Variants in ARFGAP3 observed in about 807,000 individuals in gnomAD.
ARFGAP3 encodes the protein ADP-ribosylation factor GTPase-activating protein 3.
A neutral mutation model predicts 75.0 loss-of-function variants in ARFGAP3; 72 were observed. That is an observed-to-expected ratio of 0.96 (90% CI 0.79 to 1.17). The LOEUF is 1.17. ARFGAP3 is among the 50% of genes most tolerant of loss of function. The probability of loss-of-function intolerance (pLI) is 0.00; values close to 1 mark genes in which losing one functional copy is unlikely to be tolerated. For synonymous variants in ARFGAP3, 221 were observed against 217.9 expected, an observed-to-expected ratio of 1.01 and a Z score of -0.13; for missense variants, 620 against 626.6, an observed-to-expected ratio of 0.99 and a Z score of 0.11.
intron 7 of ARFGAP3, among the ~76,000 whole-genome samples, chr22:42,824,671 C>T (rs1167052549): frequency 6.6e-6 from 1 of 152,004 alleles, no homozygotes; most frequent in African/African-American, 2.4e-5. Flanking sequence ...AGCCCAAAAA[C>T]TTTAAAAATC....
intron 2 of ARFGAP3, among the ~76,000 whole-genome samples, chr22:42,842,245 T>C (rs188222133): frequency 3.8e-4 from 57 of 151,366 alleles, no homozygotes; most frequent in African/African-American, 1.3e-3. Flanking sequence ...CCTTAGGTGA[T>C]CCACCCACCT....
chr22:42,829,491 G>A (rs1343017472), intron 6 of ARFGAP3, among the ~76,000 whole-genome samples: 1 of 152,124 alleles, frequency 6.6e-6, no homozygotes, highest in East Asian at 1.9e-4. Flanking sequence ...CCAGTTAGAG[G>A]TGTATAAATG....
intron 14 of ARFGAP3, among the ~76,000 whole-genome samples, chr22:42,800,042 A>G (rs1481146290): frequency 6.6e-6 from 1 of 152,214 alleles, no homozygotes; most frequent in Non-Finnish European, 1.5e-5. Context: ...GGTGAAGTTC[A>G]TCAGGGTTAT....
Position 42,808,777 on chromosome 22 carries a change from G to T in ARFGAP3, c.1310C>A (p.Ser437Tyr). 1 of 1,611,536 alleles carries T rather than the reference G, an allele frequency of 6.2e-7. No homozygotes were observed. Among genetic ancestry groups the T allele is most frequent in the South Asian group, 1.1e-5 (1 of 90,588 alleles). ...TCTCTGGACCCTTACATCAGCCTGGGATTGTCTTCCAAAATACATATCTGA... is the reference window on the plus strand; with the variant it reads ...TCTCTGGACCCTTACATCAGCCTGGTATTGTCTTCCAAAATACATATCTGA... Reference protein sequence around the residue: ...ISSDMYFGRQSQADYETRARL... With the variant: ...ISSDMYFGRQYQADYETRARL... Residue 437 changes from serine to tyrosine, a missense_variant, in exon 13 of 16, where the codon TCC becomes TAC. Transcript: ENST00000263245.
intron 9 of ARFGAP3, among the ~76,000 whole-genome samples, chr22:42,819,801 A>G (rs1369425844): frequency 1.3e-5 from 2 of 152,232 alleles, no homozygotes; most frequent in African/African-American, 4.8e-5. Context: ...AACTTGCAAC[A>G]TAACACTCAT....
chr22:42,829,521 C>T (rs73886146), intron 6 of ARFGAP3, among the ~76,000 whole-genome samples: 3,666 of 149,052 alleles, frequency 0.025, 141 homozygotes, highest in African/African-American at 0.087. Context: ...CAGGCATCTA[C>T]GGTCATATGC....
intron 6 of ARFGAP3, 72 bp downstream of exon 6, chr22:42,831,477 T>C (rs1926284761): frequency 6.6e-7 from 1 of 1,506,060 alleles, no homozygotes; most frequent in Non-Finnish European, 9.2e-7. Flanking sequence ...TGGCCCATCT[T>C]AATTTTTAAT....
Position 42,837,675 on chromosome 22 carries a change from C to CTTTTTTTTTTTTTTTTTTTTTTTTTTTT in ARFGAP3, c.262-2183_262-2182insAAAAAAAAAAAAAAAAAAAAAAAAAAAA, listed in dbSNP as rs71186547. On this transcript the variant is annotated intron_variant, in intron 3 of 15. Transcript: ENST00000263245. ...GCCTTGAAACATCTAAGGCATACTT[C>CTTTTTTTTTTTTTTTTTTTTTTTTTTTT]TTTTTTTTTTTTTTTTTTTTTTGAG... Among the ~76,000 whole-genome samples the CTTTTTTTTTTTTTTTTTTTTTTTTTTTT allele has an allele frequency of 5.3e-5, 4 of 75,662 alleles. 1 individual carries two copies. The highest frequency in any genetic ancestry group is 8.6e-5 in the Non-Finnish European group (4 of 46,628). 49.6% of individuals were successfully genotyped at this position (75,662 alleles called of 152,430 possible).
intron 14 of ARFGAP3, among the ~76,000 whole-genome samples, chr22:42,800,714 C>T (rs1250341990): frequency 6.6e-6 from 1 of 152,210 alleles, no homozygotes; most frequent in Non-Finnish European, 1.5e-5. Context: ...TCTTGTAGGC[C>T]TTCACCAATG....
Position 42,797,469 on chromosome 22 carries a change from A to G in ARFGAP3, c.*119T>C, listed in dbSNP as rs1924652120. 1 of 1,239,548 alleles carries G rather than the reference A, an allele frequency of 8.1e-7. No individual in the cohort carries two copies. Among genetic ancestry groups the G allele is most frequent in the Non-Finnish European group, 1.2e-6 (1 of 846,984 alleles). The allele number at this position is 1,239,548 out of a possible 1,614,324, so 76.8% of individuals were successfully genotyped here. On this transcript the variant is annotated 3_prime_UTR_variant, in exon 16 of 16. Transcript: ENST00000263245. Reference sequence around the variant, plus strand: ...ATATTAAAAATCAGAAACATATACCATATGAAAAAGTAGCAAAACAATCTG... The same window carrying G: ...ATATTAAAAATCAGAAACATATACCGTATGAAAAAGTAGCAAAACAATCTG...
intron 11 of ARFGAP3, among the ~76,000 whole-genome samples, chr22:42,816,325 A>G (rs1482921211): frequency 6.6e-6 from 1 of 152,222 alleles, no homozygotes; most frequent in Non-Finnish European, 1.5e-5. Context: ...CTATAGCACA[A>G]AGAAGTTAAA....
intron 1 of ARFGAP3, among the ~76,000 whole-genome samples, chr22:42,851,663 A>G (rs957635350): frequency 6.6e-6 from 1 of 152,226 alleles, no homozygotes; most frequent in Non-Finnish European, 1.5e-5. Flanking sequence ...CTGCTATACC[A>G]GGAGGCTATG....
chr22:42,832,107 T>A (rs1404615913), intron 5 of ARFGAP3, among the ~76,000 whole-genome samples: 1 of 151,394 alleles, frequency 6.6e-6, no homozygotes, highest in Non-Finnish European at 1.5e-5. Flanking sequence ...TTGATAACCA[T>A]TTTTGGTAAC....
chr22:42,822,420 T>C lies in ARFGAP3; in HGVS notation c.673-11A>G, dbSNP rs1170188078. On this transcript the variant is annotated splice_polypyrimidine_tract_variant and intron_variant, in intron 8 of 15. Transcript: ENST00000263245. ...TTTTTTGGCCCCAAGCTAGAACATATATAAGACTATAGTCTACACGAGCTG... is the reference window on the plus strand; with the variant it reads ...TTTTTTGGCCCCAAGCTAGAACATACATAAGACTATAGTCTACACGAGCTG... 4.3e-6 allele frequency: 7 copies of C among 1,613,116 alleles called. No homozygotes were observed. The African/African-American group carries it at 6.7e-5, about 15-fold the overall frequency.
intron 1 of ARFGAP3, chr22:42,853,470 G>T: frequency 4.5e-6 from 1 of 220,420 alleles, no homozygotes; most frequent in South Asian, 7.8e-5. Context: ...TGGGCTCTAG[G>T]AAGACCTCAT....
intron 12 of ARFGAP3, among the ~76,000 whole-genome samples, chr22:42,810,494 A>C (rs1925318632): frequency 6.6e-6 from 1 of 152,166 alleles, no homozygotes; most frequent in Non-Finnish European, 1.5e-5. Context: ...CAAAAAAACA[A>C]AATCAAAACA....
intron 14 of ARFGAP3, 184 bp from the exon 15 acceptor site, chr22:42,799,344 A>G: frequency 1.6e-6 from 1 of 630,352 alleles, no homozygotes; most frequent in Non-Finnish European, 2.0e-6. Flanking sequence ...TCCACATGAG[A>G]GAATCCACAC....
intron 1 of ARFGAP3, among the ~76,000 whole-genome samples, chr22:42,850,513 C>A (rs1404583600): frequency 1.6e-5 from 2 of 125,162 alleles, no homozygotes; most frequent in Admixed American, 2.2e-4. Context: ...GCGGAGGATG[C>A]AATGAGCGGA....
chr22:42,809,648 G>T lies in ARFGAP3; in HGVS notation c.1197-758C>A, dbSNP rs551202816. ...TGGTGGTAATTACATGAATGTATGT[G>T]CTTGTCAGAACTGTAAGTTTAAAAA... On this transcript the variant is annotated intron_variant, in intron 12 of 15. Coordinates refer to ENST00000263245, the MANE Select transcript of ARFGAP3 (RefSeq NM_014570.5). Among the ~76,000 whole-genome samples the T allele has an allele frequency of 1.4e-3, 215 of 152,190 alleles. 1 individual carries two copies. Among genetic ancestry groups the T allele is most frequent in the African/African-American group, 4.5e-3 (187 of 41,510 alleles).
Sources: allele counts gnomAD v4.1 joint callset (sites outside exome capture counted in the v4.1 genomes callset), GRCh38; gene constraint gnomAD v4.1.1; transcripts MANE v1.5; gene names NCBI Gene and HGNC (gene_info 2026-07-23, HGNC 2026-07-21).